KCTD8: variants seen among roughly 807,000 people sequenced by gnomAD.
KCTD8 encodes the protein potassium channel tetramerization domain containing 8, also known as BTB/POZ domain-containing protein KCTD8.
In KCTD8, 27 loss-of-function variants were observed where a neutral mutation model predicts 31.5. That is an observed-to-expected ratio of 0.86 (90% CI 0.63 to 1.18). KCTD8 has a LOEUF of 1.18. Among genes scored for constraint, KCTD8 ranks in the 50% most tolerant of loss-of-function variants. KCTD8 has a pLI of 0.00. For synonymous variants in KCTD8, 290 were observed against 280.0 expected, an observed-to-expected ratio of 1.04 and a Z score of -0.36; for missense variants, 658 against 647.7, an observed-to-expected ratio of 1.02 and a Z score of -0.17.
chr4:44,216,330 T>A (rs1378073124), intron 1 of KCTD8, among the ~76,000 whole-genome samples: 1 of 152,180 alleles, frequency 6.6e-6, no homozygotes, highest in African/African-American at 2.4e-5. Flanking sequence ...GTGATATTAT[T>A]ACTAGGTTTT....
At chr4:44,249,622 G>T (rs1715767777) in intron 1 of KCTD8, among the ~76,000 whole-genome samples, 1 of 151,680 alleles carries the variant, frequency 6.6e-6, no homozygotes, top group Non-Finnish European at 1.5e-5. Context: ...AAGGAAGATT[G>T]GGTTCACAGA....
At chr4:44,436,193 A>G (rs1179430255) in intron 1 of KCTD8, among the ~76,000 whole-genome samples, 1 of 152,128 alleles carries the variant, frequency 6.6e-6, no homozygotes, top group Non-Finnish European at 1.5e-5. Flanking sequence ...GTCTTGCCTA[A>G]AAACAAAAGA....
At chr4:44,438,372 T>G (rs1721730185) in intron 1 of KCTD8, among the ~76,000 whole-genome samples, 1 of 152,204 alleles carries the variant, frequency 6.6e-6, no homozygotes, top group African/African-American at 2.4e-5. Flanking sequence ...TGTGACAATT[T>G]GTCATTTTGC....
chr4:44,319,483 CAG>C (rs1387895336), intron 1 of KCTD8, among the ~76,000 whole-genome samples: 1 of 150,032 alleles, frequency 6.7e-6, no homozygotes, highest in Admixed American at 6.6e-5. Context: ...AAATGCAACA[CAG>C]GGCAAAAATA....
chr4:44,363,437 TCAAA>T (rs1272614220), intron 1 of KCTD8, among the ~76,000 whole-genome samples: 1 of 152,142 alleles, frequency 6.6e-6, no homozygotes, highest in East Asian at 1.9e-4. Context: ...GCTTCCAGCA[TCAAA>T]CAGTGAATGC....
chr4:44,380,736 C>T (rs1002499895), intron 1 of KCTD8, among the ~76,000 whole-genome samples: 2 of 151,862 alleles, frequency 1.3e-5, no homozygotes, highest in African/African-American at 2.4e-5. Flanking sequence ...CATCAATTTG[C>T]TCTATCATGT....
chr4:44,322,511 G>A (rs186359025), intron 1 of KCTD8, among the ~76,000 whole-genome samples: 79 of 151,944 alleles, frequency 5.2e-4, no homozygotes, highest in Non-Finnish European at 1.8e-4. Flanking sequence ...TTGTCAGATG[G>A]ATATTTTGCA....
At chr4:44,395,788 G>T (rs1456600991) in intron 1 of KCTD8, among the ~76,000 whole-genome samples, 1 of 151,970 alleles carries the variant, frequency 6.6e-6, no homozygotes, top group Non-Finnish European at 1.5e-5. Flanking sequence ...TGGGGGTGAG[G>T]TTCCACCCGC....
At chr4:44,343,080 G>C (rs971347433) in intron 1 of KCTD8, among the ~76,000 whole-genome samples, 1 of 152,160 alleles carries the variant, frequency 6.6e-6, no homozygotes, top group Non-Finnish European at 1.5e-5. Flanking sequence ...CAAGAATTTT[G>C]CTTTTCCACT....
At chr4:44,358,574 T>A (rs1023914908) in intron 1 of KCTD8, among the ~76,000 whole-genome samples, 14 of 151,790 alleles carry the variant, frequency 9.2e-5, no homozygotes, top group African/African-American at 3.4e-4. Context: ...TGACTTTTTT[T>A]TTTTTCTTTT....
At chr4:44,292,797 T>C (rs1430590381) in intron 1 of KCTD8, among the ~76,000 whole-genome samples, 2 of 152,136 alleles carry the variant, frequency 1.3e-5, no homozygotes, top group Non-Finnish European at 2.9e-5. Context: ...ATTTTCCTAA[T>C]CATTATAGAA....
chr4:44,328,318 T>C (rs748784946), intron 1 of KCTD8, among the ~76,000 whole-genome samples: 3 of 152,032 alleles, frequency 2.0e-5, no homozygotes, highest in Middle Eastern at 3.4e-3. Context: ...CATGTCGTAA[T>C]TGACTTACTA....
intron 1 of KCTD8, among the ~76,000 whole-genome samples, chr4:44,436,752 C>A (rs1272971429): frequency 1.3e-5 from 2 of 151,912 alleles, no homozygotes; most frequent in African/African-American, 4.8e-5. Flanking sequence ...ATAAACAATT[C>A]TTTTTCCTTG....
chr4:44,237,713 T>C (rs1483768455), intron 1 of KCTD8, among the ~76,000 whole-genome samples: 1 of 152,216 alleles, frequency 6.6e-6, no homozygotes, highest in African/African-American at 2.4e-5. Flanking sequence ...ATAAGAAATA[T>C]AGTCCTCCTG....
chr4:44,303,680 G>GTA (rs1479403216), intron 1 of KCTD8, among the ~76,000 whole-genome samples: 1 of 151,928 alleles, frequency 6.6e-6, no homozygotes, highest in East Asian at 1.9e-4. Flanking sequence ...GCTGGGTGTG[G>GTA]TGCTGTGCTC....
intron 1 of KCTD8, among the ~76,000 whole-genome samples, chr4:44,400,992 A>C (rs1720636338): frequency 6.7e-6 from 1 of 148,390 alleles, no homozygotes. Flanking sequence ...GCACACTACC[A>C]TGATGGCTAA....
At chr4:44,236,141 C>A (rs1346720010) in intron 1 of KCTD8, among the ~76,000 whole-genome samples, 1 of 152,144 alleles carries the variant, frequency 6.6e-6, no homozygotes, top group Admixed American at 6.6e-5. Flanking sequence ...AGCAACTCAG[C>A]CACTGCCCAA....
At chr4:44,279,211 C>T (rs532031580) in intron 1 of KCTD8, among the ~76,000 whole-genome samples, 1 of 152,174 alleles carries the variant, frequency 6.6e-6, no homozygotes, top group African/African-American at 2.4e-5. Context: ...TTTATTATCT[C>T]ACAGTTTCAG....
chr4:44,405,563 C>T (rs997366857), intron 1 of KCTD8, among the ~76,000 whole-genome samples: 3 of 151,928 alleles, frequency 2.0e-5, no homozygotes, highest in East Asian at 1.9e-4. Flanking sequence ...CCACCGCACC[C>T]GGCCCAGCCA....
Sources: gnomAD v4.1 joint callset for allele counts (sites outside exome capture counted in the v4.1 genomes callset) on GRCh38, gnomAD v4.1.1 for gene constraint, MANE v1.5 for transcripts, NCBI Gene and HGNC (gene_info 2026-07-23, HGNC 2026-07-21) for gene names.